Variants in DLG2 observed in about 807,000 individuals in gnomAD.
DLG2 encodes the protein disks large homolog 2.
Under a neutral mutation model 132.5 loss-of-function variants are expected in DLG2, and 45 were observed. The observed-to-expected ratio is 0.34, with a 90% CI of 0.27 to 0.44. The LOEUF is 0.44. DLG2 is among the 20% of genes least tolerant of loss of function. The pLI, the probability that DLG2 is intolerant of heterozygous loss-of-function variation, is 1.00. For synonymous variants in DLG2, 424 were observed against 419.6 expected, an observed-to-expected ratio of 1.01 and a Z score of -0.13; for missense variants, 1,045 against 1,196.9, an observed-to-expected ratio of 0.87 and a Z score of 1.87.
At chr11:84,012,264 C>T (rs562405996) in intron 11 of DLG2, among the ~76,000 whole-genome samples, 6 of 152,172 alleles carry the variant, frequency 3.9e-5, no homozygotes, top group Non-Finnish European at 8.8e-5. Flanking sequence ...TTGCAAGTGT[C>T]CTTATGTACT....
At chr11:84,091,852 C>T (rs2097098484) in intron 10 of DLG2, among the ~76,000 whole-genome samples, 1 of 152,126 alleles carries the variant, frequency 6.6e-6, no homozygotes, top group South Asian at 2.1e-4. Context: ...CTGCAGAAAT[C>T]AATTCCTTGT....
intron 6 of DLG2, among the ~76,000 whole-genome samples, chr11:84,715,659 T>TTTA (rs1334227468): frequency 6.6e-6 from 1 of 152,116 alleles, no homozygotes; most frequent in East Asian, 1.9e-4. Context: ...TTTAGTTTAA[T>TTTA]GTCCTCCAGG....
At chr11:85,463,356 T>C (rs1031092758) in intron 3 of DLG2, among the ~76,000 whole-genome samples, 1 of 152,190 alleles carries the variant, frequency 6.6e-6, no homozygotes, top group Non-Finnish European at 1.5e-5. Flanking sequence ...AATTTTGAAA[T>C]ATCCTTAGCA....
chr11:84,589,116 G>A (rs1265346635), intron 6 of DLG2, among the ~76,000 whole-genome samples: 2 of 152,138 alleles, frequency 1.3e-5, no homozygotes, highest in African/African-American at 2.4e-5. Context: ...GGAGTGGAGA[G>A]GTTGTGGCTG....
intron 18 of DLG2, among the ~76,000 whole-genome samples, chr11:83,674,182 T>G (rs1439950187): frequency 6.6e-6 from 1 of 152,174 alleles, no homozygotes; most frequent in Non-Finnish European, 1.5e-5. Flanking sequence ...GTGAGAGTCC[T>G]AGGGAAGGGA....
At chr11:84,264,991 C>T (rs994377843) in intron 7 of DLG2, among the ~76,000 whole-genome samples, 1 of 152,048 alleles carries the variant, frequency 6.6e-6, no homozygotes, top group Non-Finnish European at 1.5e-5. Flanking sequence ...TAATACTAGT[C>T]TAATTTTGAA....
Position 85,163,750 on chromosome 11 carries a change from G to A in DLG2, c.187-9099C>T, listed in dbSNP as rs1209294539. Among the ~76,000 whole-genome samples, 5 of 152,178 alleles carry A rather than the reference G, an allele frequency of 3.3e-5. No individual in the cohort carries two copies. In the East Asian group the frequency reaches 7.7e-4, roughly 24 times the overall value. ...GGAGATAGTGCCACCCATTGAATAGGGTCTTCTTCCACCTTACTAACCACC... is the reference window on the plus strand; with the variant it reads ...GGAGATAGTGCCACCCATTGAATAGAGTCTTCTTCCACCTTACTAACCACC... On this transcript the variant is annotated intron_variant, in intron 4 of 27. Transcript: ENST00000376104.
intron 6 of DLG2, among the ~76,000 whole-genome samples, chr11:84,776,362 G>A (rs949232462): frequency 2.4e-4 from 36 of 151,952 alleles, no homozygotes; most frequent in Non-Finnish European, 5.1e-4. Flanking sequence ...TCCTTATGTT[G>A]CCCAGGCTGG....
At chr11:83,973,042 T>C (rs1313612404) in intron 12 of DLG2, among the ~76,000 whole-genome samples, 2 of 152,078 alleles carry the variant, frequency 1.3e-5, no homozygotes, top group Non-Finnish European at 2.9e-5. Context: ...GTCACCAAAA[T>C]GGACAGTATG....
intron 3 of DLG2, among the ~76,000 whole-genome samples, chr11:85,441,061 C>T (rs1489786270): frequency 2.6e-5 from 4 of 152,144 alleles, no homozygotes; most frequent in African/African-American, 9.7e-5. Flanking sequence ...AACTGTGTAA[C>T]TTGTATTAAA....
chr11:83,467,944 C>CAT (rs2091440215), intron 25 of DLG2, among the ~76,000 whole-genome samples: 1 of 150,786 alleles, frequency 6.6e-6, no homozygotes, highest in South Asian at 2.1e-4. Context: ...AATAAAAATG[C>CAT]TATTACATTA....
chr11:84,390,819 T>C (rs2098790146), intron 7 of DLG2, among the ~76,000 whole-genome samples: 2 of 152,164 alleles, frequency 1.3e-5, no homozygotes, highest in African/African-American at 4.8e-5. Context: ...TCTCAGCGGC[T>C]TACCATGTGG....
intron 6 of DLG2, among the ~76,000 whole-genome samples, chr11:84,800,246 T>C (rs58408641): frequency 0.015 from 2,327 of 152,310 alleles, 72 homozygotes; most frequent in African/African-American, 0.052. Context: ...CTCCATTCTT[T>C]ACATATATTT....
intron 10 of DLG2, among the ~76,000 whole-genome samples, chr11:84,067,065 C>A (rs1394742881): frequency 6.6e-6 from 1 of 152,022 alleles, no homozygotes; most frequent in African/African-American, 2.4e-5. Context: ...ACTTAAAAAA[C>A]TTTCAGTCCC....
chr11:84,387,865 G>A (rs1353094869), intron 7 of DLG2, among the ~76,000 whole-genome samples: 1 of 152,166 alleles, frequency 6.6e-6, no homozygotes, highest in Non-Finnish European at 1.5e-5. Flanking sequence ...TTCTGATGAA[G>A]TGTCAATGTT....
At chr11:84,269,051 C>T (rs2097685996) in intron 7 of DLG2, among the ~76,000 whole-genome samples, 1 of 152,094 alleles carries the variant, frequency 6.6e-6, no homozygotes, top group Non-Finnish European at 1.5e-5. Flanking sequence ...TCTACTATTG[C>T]TACACTTTCT....
intron 6 of DLG2, among the ~76,000 whole-genome samples, chr11:84,693,713 C>A (rs2058306891): frequency 6.6e-6 from 1 of 151,664 alleles, no homozygotes; most frequent in African/African-American, 2.4e-5. Context: ...GTGTTCCTTT[C>A]CCAGGACTCC....
chr11:84,871,792 G>C (rs1372794233), intron 6 of DLG2, among the ~76,000 whole-genome samples: 2 of 151,938 alleles, frequency 1.3e-5, no homozygotes, highest in African/African-American at 4.8e-5. Flanking sequence ...CCACGATCCT[G>C]GCTCACTGCA....
intron 8 of DLG2, among the ~76,000 whole-genome samples, chr11:84,176,317 TTATA>T (rs5793112): frequency 0.029 from 4,280 of 146,000 alleles, 182 homozygotes; most frequent in African/African-American, 0.1. Context: ...GCAGTAAAGC[TTATA>T]TATATATATA....
Sources: allele counts gnomAD v4.1 joint callset (sites outside exome capture counted in the v4.1 genomes callset), GRCh38; gene constraint gnomAD v4.1.1; transcripts MANE v1.5; gene names NCBI Gene and HGNC (gene_info 2026-07-23, HGNC 2026-07-21).